The following C12orf76 variants were observed in gnomAD, a reference collection of about 807,000 sequenced individuals.
The protein encoded by C12orf76 is chromosome 12 open reading frame 76.
A neutral mutation model predicts 6.8 loss-of-function variants in C12orf76; 6 were observed. The observed-to-expected ratio is 0.88, with a 90% confidence interval of 0.48 to 1.73. C12orf76 has a LOEUF of 1.73. C12orf76 is among the 40% of genes most tolerant of loss of function. The pLI, the probability that C12orf76 is intolerant of heterozygous loss-of-function variation, is 0.01. For missense variants in C12orf76, 99 were observed against 98.2 expected (o/e 1.01, Z -0.03); for synonymous variants, 56 against 43.7 (o/e 1.28, Z -1.11).
chr12:110,067,627 C>G (rs1440003541), exon 1 of C12orf76: 27 of 967,698 alleles, frequency 2.8e-5, no homozygotes, highest in Non-Finnish European at 3.2e-5. Flanking sequence ...CCACCCACCT[C>G]GGCCTCTCAA....
intron 4 of C12orf76, chr12:110,056,932 C>A: frequency 2.4e-6 from 1 of 417,364 alleles, no homozygotes; most frequent in Non-Finnish European, 4.3e-6. Flanking sequence ...TTGTAAATTA[C>A]CTAGTCTCGA....
At chr12:110,047,691 A>G (rs1892486675) in intron 1 of C12orf76, among the ~76,000 whole-genome samples, 1 of 152,228 alleles carries the variant, frequency 6.6e-6, no homozygotes, top group African/African-American at 2.4e-5. Flanking sequence ...GTAAAAGAAA[A>G]AAAAAGGGCT....
At chr12:110,048,331 A>C (rs915614337) in intron 1 of C12orf76, 32 bp downstream of exon 1, 1 of 1,474,784 alleles carries the variant, frequency 6.8e-7, no homozygotes, top group Non-Finnish European at 9.0e-7. Context: ...CTCAGGCACT[A>C]CCCGCCGCCC....
At chr12:110,058,396 C>T (rs546557962) in intron 3 of C12orf76, among the ~76,000 whole-genome samples, 2 of 151,170 alleles carry the variant, frequency 1.3e-5, no homozygotes, top group South Asian at 4.2e-4. Context: ...GGTCATGGTG[C>T]CTCACGCCTG....
upstream of C12orf76, among the ~76,000 whole-genome samples, chr12:110,069,955 T>C (rs916434887): frequency 1.2e-4 from 19 of 152,236 alleles, no homozygotes; most frequent in African/African-American, 4.3e-4. Context: ...TGATCTGCTT[T>C]TAAAAAATTG....
In C12orf76 at chr12:110,054,803, G is replaced by T. The variant is rs568282110; in HGVS notation, n.664+2386C>A. ...AGGGAATGACAAATGTCAAATTCAG[G>T]ATTTCGTTTAGAGATGGAGTCTTGC... On this transcript the variant is annotated intron_variant and non_coding_transcript_variant, in intron 4 of 4. Coordinates refer to the C12orf76 transcript ENST00000309050. The surrounding 1 kb of genome is among the most constrained non-coding windows in gnomAD (Gnocchi z 4.4). Among the ~76,000 whole-genome samples, 8 of 152,314 alleles carry T rather than the reference G, an allele frequency of 5.3e-5. No homozygotes were observed. In the South Asian group the frequency reaches 1.7e-3, roughly 32 times the overall value.
In C12orf76 at chr12:110,042,440, G is replaced by A. The variant is rs780869453; in HGVS notation, c.153C>T (p.Phe51=). 2 of 1,613,902 alleles carry A rather than the reference G, an allele frequency of 1.2e-6. No homozygotes were observed. The highest frequency in any genetic ancestry group is 2.2e-5 in the South Asian group (2 of 91,082). Reference sequence around the variant, plus strand: ...GGATGACAGTCACCAGCAGGATGCTGAAAATGGTTCCCATCAACACTGCAA... The same window carrying A: ...GGATGACAGTCACCAGCAGGATGCTAAAAATGGTTCCCATCAACACTGCAA... ...GQNLVLMGTI[F]SILLVTVILM... is the part of the protein sequence containing the mutation. The change falls in exon 2 of 2, where the codon TTC becomes TTT. Residue 51 remains phenylalanine (F), a synonymous_variant. Coordinates refer to ENST00000615315, the MANE Select transcript of C12orf76 (RefSeq NM_001389625.1).
chr12:110,060,618 A>T (rs1892753821), intron 2 of C12orf76, among the ~76,000 whole-genome samples: 1 of 151,804 alleles, frequency 6.6e-6, no homozygotes, highest in Admixed American at 6.6e-5. Flanking sequence ...CCACCCCTTA[A>T]AGGTTAGCCC....
intron 2 of C12orf76, among the ~76,000 whole-genome samples, chr12:110,062,282 G>A (rs1402573397): frequency 6.6e-6 from 1 of 152,064 alleles, no homozygotes; most frequent in African/African-American, 2.4e-5. Context: ...GAAGATATTA[G>A]TATTGTATTC....
At chr12:110,065,907 G>C in exon 2 of C12orf76, 3 of 1,614,014 alleles carry the variant, frequency 1.9e-6, no homozygotes, top group Non-Finnish European at 2.5e-6. Context: ...TGTGCTTCCA[G>C]ATCTTTGCAT....
chr12:110,058,936 AC>A (rs1892722249), intron 3 of C12orf76: 2 of 1,476,416 alleles, frequency 1.4e-6, no homozygotes, highest in African/African-American at 1.4e-5. Context: ...ACTCCCCCCC[AC>A]CAAAAAAATG....
At chr12:110,067,686 T>C (rs931905455) in exon 1 of C12orf76, 3 of 452,420 alleles carry the variant, frequency 6.6e-6, no homozygotes, top group African/African-American at 4.3e-5. Flanking sequence ...GGCTCAGTCA[T>C]CTTCTCCCTA....
upstream of C12orf76, among the ~76,000 whole-genome samples, chr12:110,053,647 A>C (rs1402026066): frequency 6.6e-6 from 1 of 152,204 alleles, no homozygotes; most frequent in Admixed American, 6.5e-5. Context: ...TAAAACTCTT[A>C]TATATGTGCC....
intron 2 of C12orf76, among the ~76,000 whole-genome samples, chr12:110,060,595 G>C (rs79577403): frequency 6.6e-6 from 1 of 152,240 alleles, no homozygotes; most frequent in East Asian, 1.9e-4. Flanking sequence ...ATCCTTTGGG[G>C]ACTTCAGCAC....
upstream of C12orf76, chr12:110,049,574 A>G (rs542997561): frequency 3.3e-5 from 5 of 152,366 alleles, no homozygotes; most frequent in African/African-American, 1.2e-4. Context: ...GGGAGATTAC[A>G]AAGTACCTTA....
At chr12:110,048,786 G>A, upstream of C12orf76, 1 of 574,634 alleles carries the variant, frequency 1.7e-6, no homozygotes, top group Non-Finnish European at 2.4e-6. Context: ...CATCCATTGG[G>A]GTCGAGGTCT....
chr12:110,048,020 G>A (rs1192035339), intron 1 of C12orf76, among the ~76,000 whole-genome samples: 1 of 152,004 alleles, frequency 6.6e-6, no homozygotes, highest in African/African-American at 2.4e-5. Context: ...GGCCAACATA[G>A]TGAAACCCCA....
intron 1 of C12orf76, among the ~76,000 whole-genome samples, chr12:110,043,694 A>C (rs769186702): frequency 1.3e-5 from 2 of 152,068 alleles, no homozygotes; most frequent in African/African-American, 2.4e-5. Flanking sequence ...TCTACTAAAA[A>C]TACAAAAAAA....
At chr12:110,043,703 A>C (rs1390874653) in intron 1 of C12orf76, among the ~76,000 whole-genome samples, 1 of 151,888 alleles carries the variant, frequency 6.6e-6, no homozygotes, top group Non-Finnish European at 1.5e-5. Context: ...AATACAAAAA[A>C]AATTAGCCAG....
Sources: allele counts gnomAD v4.1 joint callset (sites outside exome capture counted in the v4.1 genomes callset), GRCh38; gene constraint gnomAD v4.1.1; non-coding constraint Gnocchi (gnomAD v3.1); transcripts MANE v1.5; gene names NCBI Gene and HGNC (gene_info 2026-07-23, HGNC 2026-07-21).